Variants in GRM8 observed in about 807,000 individuals in gnomAD.
GRM8 encodes the protein metabotropic glutamate receptor 8.
In GRM8, 47 loss-of-function variants were observed where a neutral mutation model predicts 87.2. The observed-to-expected ratio is 0.54, with a 90% CI of 0.43 to 0.69. The LOEUF is 0.69. Among genes scored for constraint, GRM8 ranks in the 30% least tolerant of loss-of-function variants. The pLI is 0.00. For synonymous variants in GRM8, 396 were observed against 404.5 expected, an observed-to-expected ratio of 0.98 and a Z score of 0.25; for missense variants, 1,019 against 1,139.2, an observed-to-expected ratio of 0.89 and a Z score of 1.52.
At chr7:126,701,765 T>C in intron 7 of GRM8, 1 of 1,262,732 alleles carries the variant, frequency 7.9e-7, no homozygotes, top group Non-Finnish European at 1.1e-6. Flanking sequence ...ACCCAACTAC[T>C]GGAAAATGAA....
At chr7:126,883,019 G>A (rs1370383521) in intron 6 of GRM8, among the ~76,000 whole-genome samples, 7 of 152,140 alleles carry the variant, frequency 4.6e-5, no homozygotes. Context: ...GTTGGTCAGA[G>A]GACAATGAAA....
intron 3 of GRM8, among the ~76,000 whole-genome samples, chr7:127,073,695 G>A (rs1452435144): frequency 3.9e-5 from 6 of 152,102 alleles, no homozygotes; most frequent in Non-Finnish European, 8.8e-5. Flanking sequence ...CAAGTTTTAG[G>A]AGCCACTCAG....
intron 6 of GRM8, among the ~76,000 whole-genome samples, chr7:126,799,343 A>T (rs1478797061): frequency 6.6e-6 from 1 of 152,120 alleles, no homozygotes; most frequent in Non-Finnish European, 1.5e-5. Context: ...TTCAACAAAC[A>T]TCCCACGTGA....
chr7:126,747,042 T>C (rs1815782388), intron 7 of GRM8, among the ~76,000 whole-genome samples: 1 of 151,904 alleles, frequency 6.6e-6, no homozygotes, highest in Non-Finnish European at 1.5e-5. Context: ...ATTTTTTTCA[T>C]GTTTAGGGCA....
intron 6 of GRM8, among the ~76,000 whole-genome samples, chr7:126,800,867 A>G (rs1822596604): frequency 6.6e-6 from 1 of 152,182 alleles, no homozygotes; most frequent in African/African-American, 2.4e-5. Context: ...TAAAACTTGT[A>G]AAATATTTTT....
chr7:126,662,631 A>G (rs1805318135), intron 7 of GRM8, among the ~76,000 whole-genome samples: 1 of 152,230 alleles, frequency 6.6e-6, no homozygotes, highest in Non-Finnish European at 1.5e-5. Flanking sequence ...AGAAGGACAA[A>G]TAGTACAGAG....
intron 3 of GRM8, among the ~76,000 whole-genome samples, chr7:127,054,354 T>C (rs1252906706): frequency 6.6e-6 from 1 of 152,216 alleles, no homozygotes; most frequent in African/African-American, 2.4e-5. Flanking sequence ...TTGACTTTAC[T>C]ACCTGTGAAT....
At position 126,904,122 on chromosome 7, in the gene GRM8, T is replaced by G. The variant is rs1428835050; in HGVS notation, c.868A>C (p.Ile290Leu). 6.2e-7 allele frequency: 1 copy of G among 1,607,924 alleles called. No homozygotes were observed. Among genetic ancestry groups the G allele is most frequent in the South Asian group, 1.1e-5 (1 of 90,484 alleles). ...TTTAGTTTTTTTGCTGCTTCCAATA[T>G]CCTCCTACAGGAATAAAAATAAATA... ...MFANEDDIRR[I>L]LEAAKKLNQS... Residue 290 changes from isoleucine to leucine, a missense_variant, in exon 5 of 11, where the codon ATA (isoleucine) becomes CTA (leucine). By Grantham distance (5) the Ile-to-Leu change is conservative. Coordinates refer to ENST00000339582, the MANE Select transcript of GRM8 (RefSeq NM_000845.3).
intron 7 of GRM8, among the ~76,000 whole-genome samples, chr7:126,727,062 A>C (rs1813069148): frequency 6.6e-6 from 1 of 152,018 alleles, no homozygotes; most frequent in Admixed American, 6.6e-5. Flanking sequence ...AATTCTATAC[A>C]TACTTACGTG....
intron 3 of GRM8, among the ~76,000 whole-genome samples, chr7:127,070,870 T>C (rs576722966): frequency 6.6e-6 from 1 of 152,302 alleles, no homozygotes; most frequent in South Asian, 2.1e-4. Context: ...TCTCTAGCCA[T>C]TAAACTAGGT....
intron 2 of GRM8, among the ~76,000 whole-genome samples, chr7:127,149,930 T>G (rs1245058803): frequency 6.6e-6 from 1 of 151,896 alleles, no homozygotes; most frequent in Admixed American, 6.6e-5. Flanking sequence ...ATAGCAGGTA[T>G]GTAGAATGAA....
At chr7:126,598,154 TGTTTC>T (rs1314829166) in intron 8 of GRM8, among the ~76,000 whole-genome samples, 2 of 152,100 alleles carry the variant, frequency 1.3e-5, no homozygotes, top group Non-Finnish European at 2.9e-5. Context: ...CTACCTTTTT[TGTTTC>T]TTCTCTATTT....
Position 126,822,632 on chromosome 7 carries a change from T to C in GRM8, c.1157-52567A>G, listed in dbSNP as rs1267816580. 2.6e-4 allele frequency among the ~76,000 whole-genome samples: 39 copies of C among 151,896 alleles called. 1 individual carries two copies. Among genetic ancestry groups the C allele is most frequent in the Non-Finnish European group, 4.4e-5 (3 of 67,946 alleles). On this transcript the variant is annotated intron_variant, in intron 6 of 10. Coordinates refer to ENST00000339582, the MANE Select transcript of GRM8 (RefSeq NM_000845.3). ...GGAGTGCAGTGTCTATTCACAGGCA[T>C]GGTCATAGCACACTACAGCCTCAGA... is the stretch of plus-strand genomic sequence containing the variant.
intron 8 of GRM8, among the ~76,000 whole-genome samples, chr7:126,577,735 C>A (rs1277942423): frequency 6.6e-6 from 1 of 152,086 alleles, no homozygotes; most frequent in East Asian, 1.9e-4. Flanking sequence ...TCTATGTAAC[C>A]CAATGCAATT....
At chr7:126,626,622 A>T (rs1186637822) in intron 7 of GRM8, among the ~76,000 whole-genome samples, 3 of 152,192 alleles carry the variant, frequency 2.0e-5, no homozygotes, top group Non-Finnish European at 4.4e-5. Context: ...GTCAATATAA[A>T]TTACTAAAGT....
At chr7:126,717,944 C>T (rs555880595) in intron 7 of GRM8, among the ~76,000 whole-genome samples, 32 of 152,140 alleles carry the variant, frequency 2.1e-4, no homozygotes, top group Admixed American at 9.2e-4. Flanking sequence ...TTAATAACTT[C>T]GGTGTTGGCC....
chr7:126,923,677 T>C (rs1361505901), intron 3 of GRM8, among the ~76,000 whole-genome samples: 3 of 152,188 alleles, frequency 2.0e-5, no homozygotes, highest in African/African-American at 7.2e-5. Flanking sequence ...TGCAGTCATG[T>C]ACCTTGGCAG....
At chr7:126,708,708 C>CA (rs1286253479) in intron 7 of GRM8, among the ~76,000 whole-genome samples, 1 of 150,976 alleles carries the variant, frequency 6.6e-6, no homozygotes, top group Non-Finnish European at 1.5e-5. Flanking sequence ...AAGGCAGGCA[C>CA]AAAAAAAATA....
At chr7:126,630,837 T>G (rs1282427305) in intron 7 of GRM8, among the ~76,000 whole-genome samples, 35 of 152,164 alleles carry the variant, frequency 2.3e-4, no homozygotes, top group Non-Finnish European at 7.4e-5. Context: ...ACATCCTTCA[T>G]GTTAAAAACT....
Sources: gnomAD v4.1 joint callset for allele counts (sites outside exome capture counted in the v4.1 genomes callset) on GRCh38, gnomAD v4.1.1 for gene constraint, MANE v1.5 for transcripts, NCBI Gene and HGNC (gene_info 2026-07-23, HGNC 2026-07-21) for gene names.